The following RNF38 variants were observed in gnomAD, a reference collection of about 807,000 sequenced individuals.
RNF38 encodes the protein E3 ubiquitin-protein ligase RNF38.
In RNF38, 15 loss-of-function variants were observed where a neutral mutation model predicts 67.2. The ratio of observed to expected loss-of-function variants is 0.22; its 90% CI spans 0.15 to 0.34. The LOEUF (loss-of-function observed/expected upper bound fraction) is 0.34, where lower values mean the gene tolerates loss of function less well. Among genes scored for constraint, RNF38 ranks in the 10% least tolerant of loss-of-function variants. RNF38 has a pLI of 1.00. For missense variants in RNF38, 524 were observed against 639.9 expected (o/e 0.82, Z 1.95); for synonymous variants, 220 against 218.8 (o/e 1.01, Z -0.05).
At chr9:36,483,429 A>G (rs1840328130) in intron 1 of RNF38, among the ~76,000 whole-genome samples, 1 of 152,158 alleles carries the variant, frequency 6.6e-6, no homozygotes, top group South Asian at 2.1e-4. Flanking sequence ...GCACCTCCAA[A>G]GTGGGTTTCC....
chr9:36,487,427 G>A, exon 1 of RNF38: 20 of 981,028 alleles, frequency 2.0e-5, no homozygotes, highest in Non-Finnish European at 2.4e-5. Context: ...CGGCGGTGGG[G>A]GGCGCGGGCG....
intron 1 of RNF38, among the ~76,000 whole-genome samples, chr9:36,455,782 A>G (rs1488071529): frequency 6.6e-6 from 1 of 151,678 alleles, no homozygotes; most frequent in Non-Finnish European, 1.5e-5. Flanking sequence ...AAATTACAGC[A>G]CGTCTATAAT....
intron 10 of RNF38, 137 bp downstream of exon 10, chr9:36,344,693 CAA>C: frequency 1.4e-6 from 1 of 732,714 alleles, no homozygotes; most frequent in Non-Finnish European, 2.2e-6. Context: ...TTATCTTTAT[CAA>C]AGTTATCTCT....
rs752300419 is a variant in RNF38, at chr9:36,353,127, T to C, written c.1071+43A>G. 6.6e-6 allele frequency: 10 copies of C among 1,525,826 alleles called. No individual in the cohort carries two copies. In the South Asian group the frequency reaches 1.1e-4, roughly 17 times the overall value. 94.5% of individuals were successfully genotyped at this position (1,525,826 alleles called of 1,614,324 possible). ...TAAAACATAACTCAGAACAAGTAAG[T>C]TGCCAAAGCAAGTAATTAACATAGT... On this transcript the variant is annotated intron_variant, in intron 7 of 11. Transcript: ENST00000259605.
Position 36,356,418 on chromosome 9 carries a change from G to T in RNF38, c.794C>A (p.Pro265His). 1 of 1,613,766 alleles carries T rather than the reference G, an allele frequency of 6.2e-7. No homozygotes were observed. The highest frequency in any genetic ancestry group is 8.5e-7 in the Non-Finnish European group (1 of 1,179,826). The change falls in exon 6 of 12, where the codon CCC (proline) becomes CAC (histidine). Residue 265 changes from proline to histidine, a missense_variant. By Grantham distance (77) the Pro-to-His change is moderately conservative. This residue lies in a region of RNF38 where 461 missense variants were observed against 517.4 expected (regional missense o/e 0.89). Transcript: ENST00000259605. ...HLPVPYAAFPPLISSDPFLIH... is the reference protein window; with the variant it reads ...HLPVPYAAFPHLISSDPFLIH... ...AAGAAATGGATCACTAGAAATAAGGGGTGGGAATGCAGCATATGGTACTGG... is the reference window on the plus strand; with the variant it reads ...AAGAAATGGATCACTAGAAATAAGGTGTGGGAATGCAGCATATGGTACTGG...
At chr9:36,387,101 G>A (rs926607675) in intron 2 of RNF38, among the ~76,000 whole-genome samples, 9 of 152,220 alleles carry the variant, frequency 5.9e-5, no homozygotes, top group African/African-American at 2.2e-4. Flanking sequence ...CCGTGTGGGA[G>A]CCCCTACCTT....
At position 36,408,542 on chromosome 9, in the gene RNF38, C is replaced by T. The variant is rs568252674; in HGVS notation, n.312+16071G>A. On this transcript the variant is annotated intron_variant and non_coding_transcript_variant, in intron 2 of 3. Coordinates refer to the RNF38 transcript ENST00000488058. The stretch of plus-strand genomic sequence containing the variant: ...TTTAAGTTCTCTTTGTTCTGATGCC[C>T]TTCTGTTAAATCCTTTATTAAATAT... 9.2e-5 allele frequency among the ~76,000 whole-genome samples: 14 copies of T among 152,214 alleles called. No homozygotes were observed. The South Asian group carries it at 2.3e-3, about 25-fold the overall frequency.
chr9:36,381,624 A>T (rs1370717785), intron 2 of RNF38, among the ~76,000 whole-genome samples: 2 of 152,334 alleles, frequency 1.3e-5, no homozygotes, highest in East Asian at 3.9e-4. Context: ...TGCTGAATCC[A>T]AATTTTTAGA....
At chr9:36,408,624 C>A (rs1203285569) in intron 2 of RNF38, among the ~76,000 whole-genome samples, 2 of 152,048 alleles carry the variant, frequency 1.3e-5, no homozygotes, top group Non-Finnish European at 2.9e-5. Flanking sequence ...TAAACTTGAG[C>A]CAAAGTGACA....
intron 6 of RNF38, among the ~76,000 whole-genome samples, 164 bp from the exon 7 acceptor site, chr9:36,353,495 T>C (rs1226793406): frequency 1.3e-5 from 2 of 152,164 alleles, no homozygotes; most frequent in African/African-American, 4.8e-5. Flanking sequence ...CAAGTAAACA[T>C]ATAGGCTACA....
intron 2 of RNF38, among the ~76,000 whole-genome samples, chr9:36,388,182 A>T (rs1274890581): frequency 6.6e-6 from 1 of 152,166 alleles, no homozygotes; most frequent in Non-Finnish European, 1.5e-5. Flanking sequence ...AGTATGGGAT[A>T]TAACATGGAG....
chr9:36,485,083 G>A (rs1262464177), intron 1 of RNF38, among the ~76,000 whole-genome samples: 1 of 152,176 alleles, frequency 6.6e-6, no homozygotes, highest in Non-Finnish European at 1.5e-5. Flanking sequence ...GCAGGAGAAT[G>A]GTGTGAACCA....
At chr9:36,392,041 A>G (rs939035794) in intron 1 of RNF38, among the ~76,000 whole-genome samples, 7 of 152,372 alleles carry the variant, frequency 4.6e-5, no homozygotes, top group Admixed American at 4.6e-4. Context: ...ACAGCAGTGT[A>G]GTCAGGAAAC....
At chr9:36,371,682 C>T (rs1835388153) in intron 3 of RNF38, among the ~76,000 whole-genome samples, 1 of 152,016 alleles carries the variant, frequency 6.6e-6, no homozygotes. Context: ...GAACTCCTGA[C>T]CTCAGGTGAT....
At chr9:36,387,048 C>A (rs1328995288) in intron 2 of RNF38, among the ~76,000 whole-genome samples, 6 of 152,194 alleles carry the variant, frequency 3.9e-5, no homozygotes, top group African/African-American at 1.4e-4. Flanking sequence ...AGTGATCCAC[C>A]TGCTTCGGCC....
intron 1 of RNF38, among the ~76,000 whole-genome samples, chr9:36,440,497 C>T (rs529426322): frequency 6.6e-6 from 1 of 151,500 alleles, no homozygotes; most frequent in South Asian, 2.1e-4. Flanking sequence ...TGCCATTGCA[C>T]TCCAGCCTGG....
rs544508108 is a variant in RNF38 at position 36,447,218 on chromosome 9, T to C, written n.242-22535A>G. ...AAGGAGTCTCATCACTGTGACCTAA[T>C]AGCCCAATTTTAGATGACTCCTCCT... is the stretch of plus-strand genomic sequence containing the variant. On this transcript the variant is annotated intron_variant and non_coding_transcript_variant, in intron 1 of 3. Transcript: ENST00000488058. 3.3e-5 allele frequency among the ~76,000 whole-genome samples: 5 copies of C among 152,006 alleles called. No individual in the cohort carries two copies. In the South Asian group the frequency reaches 6.2e-4, roughly 19 times the overall value.
intron 6 of RNF38, among the ~76,000 whole-genome samples, chr9:36,353,848 G>C (rs1833881953): frequency 1.3e-5 from 2 of 152,124 alleles, no homozygotes; most frequent in Non-Finnish European, 2.9e-5. Flanking sequence ...AATCAGCCAT[G>C]TTAACTTTCA....
chr9:36,337,168 TA>T lies in RNF38; in HGVS notation c.*2583del, dbSNP rs1464324803. ...AAGGTGACCAATGGCTGGGCACAAA[TA>T]AACTTCTCTTTTGCTAGCCACAGAG... is the stretch of plus-strand genomic sequence containing the variant. On this transcript the variant is annotated 3_prime_UTR_variant, in exon 12 of 12. Coordinates refer to ENST00000259605, the MANE Select transcript of RNF38 (RefSeq NM_022781.5). 6 of 152,198 alleles carry T rather than the reference TA, an allele frequency of 3.9e-5. No homozygotes were observed. The highest frequency in any genetic ancestry group is 1.2e-4 in the African/African-American group (5 of 41,446). 9.4% of individuals were successfully genotyped at this position (152,198 alleles called of 1,614,324 possible).
Sources: gnomAD v4.1 joint callset for allele counts (sites outside exome capture counted in the v4.1 genomes callset) on GRCh38, gnomAD v4.1.1 for gene constraint, gnomAD v4.1.1 regional missense constraint, MANE v1.5 for transcripts, NCBI Gene and HGNC (gene_info 2026-07-23, HGNC 2026-07-21) for gene names.